TRAF3IP1: variants seen among roughly 807,000 people sequenced by gnomAD.
TRAF3IP1 encodes the protein TRAF3-interacting protein 1.
TRAF3IP1 carries 53 observed loss-of-function variants against 89.9 expected under a neutral mutation model. The observed-to-expected ratio is 0.59, with a 90% CI of 0.47 to 0.74. The LOEUF is 0.74. Among genes scored for constraint, TRAF3IP1 ranks in the 30% least tolerant of loss-of-function variants. The pLI is 0.00. For synonymous variants in TRAF3IP1, 311 were observed against 322.1 expected, an observed-to-expected ratio of 0.97 and a Z score of 0.37; for missense variants, 806 against 866.1, an observed-to-expected ratio of 0.93 and a Z score of 0.87.
At chr2:238,332,161 C>T (rs1478082533) in intron 5 of TRAF3IP1, among the ~76,000 whole-genome samples, 1 of 152,176 alleles carries the variant, frequency 6.6e-6, no homozygotes, top group Non-Finnish European at 1.5e-5. Flanking sequence ...CTTATGAGGA[C>T]ATTGAATTGT....
chr2:238,389,166 C>A (rs1700896471), intron 15 of TRAF3IP1, among the ~76,000 whole-genome samples: 1 of 152,148 alleles, frequency 6.6e-6, no homozygotes, highest in African/African-American at 2.4e-5. Context: ...GCCTCCATTC[C>A]CATGTGCCCT....
chr2:238,388,402 T>C (rs1413549753), intron 15 of TRAF3IP1, among the ~76,000 whole-genome samples: 3 of 151,230 alleles, frequency 2.0e-5, no homozygotes, highest in African/African-American at 7.3e-5. Context: ...AGGATGTGTT[T>C]GCAGGCTGTT....
intron 15 of TRAF3IP1, among the ~76,000 whole-genome samples, chr2:238,364,439 T>C (rs964248749): frequency 6.6e-6 from 1 of 151,762 alleles, no homozygotes. Flanking sequence ...TATGAAGAAG[T>C]TTTTGAAAAA....
At chr2:238,326,119 C>G in intron 3 of TRAF3IP1, 149 bp downstream of exon 3, 2 of 696,196 alleles carry the variant, frequency 2.9e-6, no homozygotes, top group East Asian at 2.8e-5. Context: ...CCCACCCCTT[C>G]TGGAGCCCCA....
At chr2:238,370,225 GTGTC>G (rs1195944861) in intron 15 of TRAF3IP1, among the ~76,000 whole-genome samples, 36 of 151,582 alleles carry the variant, frequency 2.4e-4, no homozygotes, top group African/African-American at 5.6e-4. Context: ...ACGTGTATGT[GTGTC>G]TGTAAGTGTG....
At chr2:238,380,378 C>G (rs972334203) in intron 15 of TRAF3IP1, among the ~76,000 whole-genome samples, 24 of 152,298 alleles carry the variant, frequency 1.6e-4, no homozygotes, top group African/African-American at 5.8e-4. Flanking sequence ...AATATGGTGT[C>G]TTCATGCCCA....
intron 8 of TRAF3IP1, among the ~76,000 whole-genome samples, chr2:238,342,751 T>C (rs1465983648): frequency 6.6e-6 from 1 of 152,252 alleles, no homozygotes; most frequent in Non-Finnish European, 1.5e-5. Context: ...GAGTAAAATA[T>C]AAATAACTGT....
chr2:238,348,839 C>G lies in TRAF3IP1; in HGVS notation c.1358C>G (p.Ser453Cys), dbSNP rs146820102. 67 of 1,613,928 alleles carry G rather than the reference C, an allele frequency of 4.2e-5. 1 individual carries two copies. In the East Asian group the frequency reaches 1.1e-3, roughly 27 times the overall value. Residue 453 changes from serine to cysteine, a missense_variant, in exon 11 of 17, where the codon TCC (serine) becomes TGC (cysteine). By Grantham distance (112) the Ser-to-Cys change is moderately radical. Coordinates refer to ENST00000373327, the MANE Select transcript of TRAF3IP1 (RefSeq NM_015650.4). ...CCAGAAATTCCTAATGAGCTTTCATCCAACATCAGGTCTGTGTGCTTTGAA... is the reference window on the plus strand; with the variant it reads ...CCAGAAATTCCTAATGAGCTTTCATGCAACATCAGGTCTGTGTGCTTTGAA... ...ETPEIPNELSSNIRRIPRPGS... is the reference protein window; with the variant it reads ...ETPEIPNELSCNIRRIPRPGS...
At chr2:238,342,082 A>G (rs55762325) in intron 8 of TRAF3IP1, among the ~76,000 whole-genome samples, 9,039 of 151,896 alleles carry the variant, frequency 0.06, 382 homozygotes, top group Non-Finnish European at 0.082. Flanking sequence ...TCCACCTCCT[A>G]GGTTCAGGGG....
At chr2:238,350,677 A>G (rs1699109961) in intron 12 of TRAF3IP1, among the ~76,000 whole-genome samples, 1 of 152,162 alleles carries the variant, frequency 6.6e-6, no homozygotes, top group African/African-American at 2.4e-5. Context: ...TCTCCACCAC[A>G]AAGGAGGATG....
chr2:238,338,301 A>G, intron 7 of TRAF3IP1, 61 bp from the exon 8 acceptor site: 1 of 1,091,290 alleles, frequency 9.2e-7, no homozygotes, highest in Non-Finnish European at 1.3e-6. Flanking sequence ...ATCCCAGCTA[A>G]AACAACCAAA....
At chr2:238,324,448 G>A (rs868660683) in intron 1 of TRAF3IP1, among the ~76,000 whole-genome samples, 15 of 151,984 alleles carry the variant, frequency 9.9e-5, no homozygotes, top group Admixed American at 2.6e-4. Context: ...GGTCCTCCTC[G>A]TGGTCCTTCA....
chr2:238,354,549 A>G (rs1699316842), intron 14 of TRAF3IP1, among the ~76,000 whole-genome samples: 1 of 152,220 alleles, frequency 6.6e-6, no homozygotes, highest in Admixed American at 6.5e-5. Context: ...GATCCTTCAT[A>G]TGCTCACATA....
At chr2:238,394,206 C>G (rs1386537711) in intron 15 of TRAF3IP1, among the ~76,000 whole-genome samples, 1 of 152,160 alleles carries the variant, frequency 6.6e-6, no homozygotes, top group Non-Finnish European at 1.5e-5. Flanking sequence ...AAAAAAAAGC[C>G]TTGAAATTGG....
intron 8 of TRAF3IP1, among the ~76,000 whole-genome samples, chr2:238,339,786 GCCAGCC>G: frequency 6.6e-6 from 1 of 152,392 alleles, no homozygotes; most frequent in South Asian, 2.1e-4. Flanking sequence ...CTGCTGAGCT[GCCAGCC>G]CCAGATCAGG....
chr2:238,323,769 A>C (rs1697677113), intron 1 of TRAF3IP1, among the ~76,000 whole-genome samples: 1 of 152,214 alleles, frequency 6.6e-6, no homozygotes, highest in Admixed American at 6.5e-5. Context: ...TGTTGCTACA[A>C]ATTGTATTGA....
At chr2:238,332,706 G>C (rs1559358417) in intron 5 of TRAF3IP1, 118 bp from the exon 6 acceptor site, 1 of 747,538 alleles carries the variant, frequency 1.3e-6, no homozygotes, top group Non-Finnish European at 2.2e-6. Flanking sequence ...GCGATGTGGT[G>C]TTCTCATGGG....
intron 15 of TRAF3IP1, among the ~76,000 whole-genome samples, chr2:238,388,451 C>G (rs996178162): frequency 6.6e-6 from 1 of 150,806 alleles, no homozygotes; most frequent in African/African-American, 2.4e-5. Flanking sequence ...GACCTACATT[C>G]GAGATGAACA....
chr2:238,368,906 C>T (rs1699993793), intron 15 of TRAF3IP1, among the ~76,000 whole-genome samples: 1 of 152,142 alleles, frequency 6.6e-6, no homozygotes, highest in African/African-American at 2.4e-5. Flanking sequence ...CTCCTGACCT[C>T]AGGCGATCCA....
Sources: allele counts gnomAD v4.1 joint callset (sites outside exome capture counted in the v4.1 genomes callset), GRCh38; gene constraint gnomAD v4.1.1; transcripts MANE v1.5; gene names NCBI Gene and HGNC (gene_info 2026-07-23, HGNC 2026-07-21).